The following GPC6 variants were observed in gnomAD, a reference collection of about 807,000 sequenced individuals.
GPC6 encodes glypican 6.
In GPC6, 14 loss-of-function variants were observed where a neutral mutation model predicts 55.2. The ratio of observed to expected loss-of-function variants is 0.25; its 90% confidence interval spans 0.17 to 0.40. The LOEUF is 0.40. Among genes scored for constraint, GPC6 ranks in the 10% least tolerant of loss-of-function variants. The pLI is 1.00. For synonymous variants in GPC6, 278 were observed against 259.6 expected, an observed-to-expected ratio of 1.07 and a Z score of -0.68; for missense variants, 641 against 708.5, an observed-to-expected ratio of 0.90 and a Z score of 1.08.
chr13:93,582,903 T>A (rs3843687), intron 2 of GPC6, among the ~76,000 whole-genome samples: 1 of 152,200 alleles, frequency 6.6e-6, no homozygotes, highest in Non-Finnish European at 1.5e-5. Flanking sequence ...GAGACAGTTG[T>A]GCAGTTTTCC....
At chr13:94,154,031 C>T (rs1472059923) in intron 4 of GPC6, among the ~76,000 whole-genome samples, 1 of 152,110 alleles carries the variant, frequency 6.6e-6, no homozygotes, top group Non-Finnish European at 1.5e-5. Context: ...TTCATATCAG[C>T]ATATTGTCCT....
At chr13:93,531,438 T>G (rs1265709876) in intron 1 of GPC6, among the ~76,000 whole-genome samples, 2 of 152,186 alleles carry the variant, frequency 1.3e-5, no homozygotes, top group African/African-American at 2.4e-5. Flanking sequence ...GAAGAAGAGT[T>G]TCTTCTCCAG....
intron 2 of GPC6, among the ~76,000 whole-genome samples, chr13:93,671,230 T>A (rs1046456436): frequency 3.9e-5 from 6 of 152,158 alleles, no homozygotes; most frequent in Admixed American, 1.3e-4. Flanking sequence ...TCAAACCCTT[T>A]TATAGACAAT....
intron 4 of GPC6, among the ~76,000 whole-genome samples, chr13:94,150,330 C>G (rs1033752152): frequency 1.3e-5 from 2 of 152,122 alleles, no homozygotes; most frequent in African/African-American, 4.8e-5. Flanking sequence ...CCTTGTCCTT[C>G]TAGCCCACTC....
At chr13:93,814,343 ATATT>A (rs752905752) in intron 2 of GPC6, among the ~76,000 whole-genome samples, 42 of 152,306 alleles carry the variant, frequency 2.8e-4, no homozygotes, top group Admixed American at 1.0e-3. Flanking sequence ...TTTTCATTAG[ATATT>A]TATTTGTAAT....
At chr13:93,697,383 T>A (rs1444019741) in intron 2 of GPC6, among the ~76,000 whole-genome samples, 1 of 152,178 alleles carries the variant, frequency 6.6e-6, no homozygotes, top group Non-Finnish European at 1.5e-5. Flanking sequence ...AAAATAGCCA[T>A]GCACCCTCAC....
At chr13:94,341,455 G>A (rs192813322) in intron 6 of GPC6, among the ~76,000 whole-genome samples, 38 of 152,034 alleles carry the variant, frequency 2.5e-4, no homozygotes, top group South Asian at 2.1e-3. Flanking sequence ...ATGTGGTGGC[G>A]TGCACCTGTA....
At chr13:93,586,795 C>T (rs1316533542) in intron 2 of GPC6, among the ~76,000 whole-genome samples, 1 of 152,150 alleles carries the variant, frequency 6.6e-6, no homozygotes, top group Admixed American at 6.5e-5. Context: ...TTATATGTCA[C>T]ACAGAAATGT....
chr13:94,041,341 G>C (rs1883525163), intron 4 of GPC6, among the ~76,000 whole-genome samples: 1 of 151,746 alleles, frequency 6.6e-6, no homozygotes, highest in African/African-American at 2.4e-5. Flanking sequence ...TGATAAATCT[G>C]TATCCATTTA....
At chr13:93,578,643 G>GT (rs113534301) in intron 2 of GPC6, among the ~76,000 whole-genome samples, 18,646 of 141,922 alleles carry the variant, frequency 0.13, 1,596 homozygotes, top group East Asian at 0.44. Context: ...CATTTGTTTT[G>GT]TTTTTTTTTT....
intron 2 of GPC6, among the ~76,000 whole-genome samples, chr13:93,554,891 C>A (rs534163326): frequency 1.5e-4 from 23 of 152,114 alleles, no homozygotes; most frequent in Non-Finnish European, 2.5e-4. Flanking sequence ...GTTATTCTTG[C>A]AAAAGGTTTG....
intron 2 of GPC6, among the ~76,000 whole-genome samples, chr13:93,742,182 G>C (rs1367603635): frequency 1.3e-5 from 2 of 152,072 alleles, no homozygotes; most frequent in Non-Finnish European, 2.9e-5. Flanking sequence ...TCTTCAAACT[G>C]AAAATTTAGA....
chr13:93,782,635 A>C (rs904877051), intron 2 of GPC6, among the ~76,000 whole-genome samples: 3 of 152,156 alleles, frequency 2.0e-5, no homozygotes, highest in African/African-American at 7.2e-5. Flanking sequence ...AACAAGTATG[A>C]AGCGATATCT....
At chr13:93,911,594 C>A (rs1876986441) in intron 3 of GPC6, among the ~76,000 whole-genome samples, 1 of 152,112 alleles carries the variant, frequency 6.6e-6, no homozygotes, top group South Asian at 2.1e-4. Context: ...TTGAAGGATG[C>A]CTTGCAGCTC....
At chr13:94,318,154 T>C (rs958665381) in intron 6 of GPC6, among the ~76,000 whole-genome samples, 1 of 152,198 alleles carries the variant, frequency 6.6e-6, no homozygotes, top group East Asian at 1.9e-4. Flanking sequence ...AAGAGTATCC[T>C]TTCCAGAACA....
intron 2 of GPC6, among the ~76,000 whole-genome samples, chr13:93,701,692 A>T (rs955571280): frequency 6.6e-6 from 1 of 152,038 alleles, no homozygotes; most frequent in South Asian, 2.1e-4. Context: ...TTCATGTAAT[A>T]TTCCAAATCC....
chr13:93,344,474 C>T (rs1880366097), intron 1 of GPC6, among the ~76,000 whole-genome samples: 1 of 152,176 alleles, frequency 6.6e-6, no homozygotes, highest in Admixed American at 6.5e-5. Flanking sequence ...CCTGACAGCC[C>T]CTATTTTCCA....
intron 2 of GPC6, among the ~76,000 whole-genome samples, chr13:93,700,179 G>A (rs1882618733): frequency 6.6e-6 from 1 of 152,048 alleles, no homozygotes; most frequent in Non-Finnish European, 1.5e-5. Flanking sequence ...TCTGTAAAAT[G>A]AAACCACTTC....
At chr13:93,296,365 T>G (rs1878496015) in intron 1 of GPC6, among the ~76,000 whole-genome samples, 1 of 152,210 alleles carries the variant, frequency 6.6e-6, no homozygotes, top group Admixed American at 6.5e-5. Flanking sequence ...GGCAGTAGGC[T>G]CCTAAAGAAT....
Sources: allele counts gnomAD v4.1 joint callset (sites outside exome capture counted in the v4.1 genomes callset), GRCh38; gene constraint gnomAD v4.1.1; transcripts MANE v1.5; gene names NCBI Gene and HGNC (gene_info 2026-07-23, HGNC 2026-07-21).